The following PRORP variants were observed in gnomAD, a reference collection of about 807,000 sequenced individuals.
PRORP encodes protein only RNase P catalytic subunit, also known as mitochondrial ribonuclease P catalytic subunit.
PRORP carries 51 observed loss-of-function variants against 59.4 expected under a neutral mutation model. The observed-to-expected ratio is 0.86, with a 90% CI of 0.69 to 1.08. The LOEUF is 1.08. PRORP is among the 50% of genes least tolerant of loss of function. The pLI is 0.00. For synonymous variants in PRORP, 231 were observed against 245.6 expected (o/e 0.94, Z 0.55); for missense variants, 646 against 690.3 (o/e 0.94, Z 0.72).
intron 4 of PRORP, among the ~76,000 whole-genome samples, chr14:35,174,231 A>T (rs767487190): frequency 6.6e-6 from 1 of 152,050 alleles, no homozygotes; most frequent in African/African-American, 2.4e-5. Flanking sequence ...TTCAAATGTC[A>T]TGTCCCCTCC....
At chr14:35,179,859 A>G (rs144102567) in intron 4 of PRORP, among the ~76,000 whole-genome samples, 9,339 of 151,914 alleles carry the variant, frequency 0.061, 480 homozygotes, top group African/African-American at 0.14. Flanking sequence ...CCCCATCTTT[A>G]TGGTTTTATC....
At chr14:35,121,873 C>G (rs761346425), upstream of PRORP, 8 of 1,613,724 alleles carry the variant, frequency 5.0e-6, no homozygotes, top group Admixed American at 8.3e-5. Context: ...GCCGGGCCAT[C>G]CCAACGGGCT....
At chr14:35,176,270 C>G (rs191006371) in intron 4 of PRORP, among the ~76,000 whole-genome samples, 1 of 152,048 alleles carries the variant, frequency 6.6e-6, no homozygotes, top group Non-Finnish European at 1.5e-5. Context: ...TTTTCCAATT[C>G]TGTGAAGAAA....
chr14:35,121,842 C>G (rs907635236), upstream of PRORP: 2 of 1,582,462 alleles, frequency 1.3e-6, no homozygotes, highest in Non-Finnish European at 1.7e-6. Context: ...CCCACCTCCC[C>G]CCTACCTCTA....
At chr14:35,218,459 TAAAAAAAGAA>T (rs1444827358) in intron 5 of PRORP, among the ~76,000 whole-genome samples, 4 of 44,778 alleles carry the variant, frequency 8.9e-5, no homozygotes, top group South Asian at 2.7e-3. Context: ...AGATCCTGTC[TAAAAAAAGAA>T]AAAAAAAAAA....
chr14:35,176,812 C>T (rs565889400), intron 4 of PRORP, among the ~76,000 whole-genome samples: 52 of 152,292 alleles, frequency 3.4e-4, no homozygotes, highest in African/African-American at 1.2e-3. Flanking sequence ...GCATCCCTGT[C>T]TTGTGCCGGT....
intron 5 of PRORP, among the ~76,000 whole-genome samples, chr14:35,205,100 TA>T (rs2139144440): frequency 6.6e-6 from 1 of 152,342 alleles, no homozygotes; most frequent in South Asian, 2.1e-4. Context: ...AACCTGAGCT[TA>T]ATGATACTAT....
At chr14:35,174,875 A>G (rs1412306107) in intron 4 of PRORP, among the ~76,000 whole-genome samples, 2 of 143,398 alleles carry the variant, frequency 1.4e-5, no homozygotes, top group African/African-American at 5.1e-5. Context: ...TATATCTCCT[A>G]GTGCTATCCC....
chr14:35,179,711 A>G (rs1422434445), intron 4 of PRORP, among the ~76,000 whole-genome samples: 1 of 152,134 alleles, frequency 6.6e-6, no homozygotes, highest in African/African-American at 2.4e-5. Context: ...GAGAAGTTTG[A>G]TCGTCTGAAG....
chr14:35,142,538 A>T (rs28786547), intron 4 of PRORP, among the ~76,000 whole-genome samples: 5,315 of 114,276 alleles, frequency 0.047, 505 homozygotes, highest in African/African-American at 0.14. Flanking sequence ...AAAAAAAAAA[A>T]TTTTAGATAG....
At chr14:35,199,215 G>A (rs1595291455) in intron 5 of PRORP, among the ~76,000 whole-genome samples, 1 of 148,560 alleles carries the variant, frequency 6.7e-6, no homozygotes, top group South Asian at 2.1e-4. Flanking sequence ...CGTGCCTGTA[G>A]TCCCAGCTAC....
intron 5 of PRORP, among the ~76,000 whole-genome samples, chr14:35,251,970 AC>A (rs2050626855): frequency 6.6e-6 from 1 of 152,134 alleles, no homozygotes; most frequent in African/African-American, 2.4e-5. Context: ...CCTACCTTGG[AC>A]CAGAATACAA....
At chr14:35,155,538 A>G (rs530255476) in intron 4 of PRORP, among the ~76,000 whole-genome samples, 11 of 148,490 alleles carry the variant, frequency 7.4e-5, no homozygotes, top group Non-Finnish European at 1.3e-4. Context: ...CCTGGGCAAC[A>G]TAGCGAGACC....
chr14:35,242,405 G>C (rs1363507348), intron 5 of PRORP, among the ~76,000 whole-genome samples: 1 of 152,048 alleles, frequency 6.6e-6, no homozygotes, highest in Non-Finnish European at 1.5e-5. Context: ...TTCTGCTGTT[G>C]GTGTTTTTTA....
At chr14:35,132,090 C>T (rs558074331) in intron 4 of PRORP, among the ~76,000 whole-genome samples, 11 of 151,872 alleles carry the variant, frequency 7.2e-5, no homozygotes, top group South Asian at 2.1e-4. Flanking sequence ...CCGTCCGCCT[C>T]GGCCTCCGAA....
At chr14:35,124,271 A>ATTT (rs71435858) in intron 2 of PRORP, 40 bp downstream of exon 2, 561 of 1,139,104 alleles carry the variant, frequency 4.9e-4, no homozygotes, top group Non-Finnish European at 6.2e-4. Context: ...TTATTCTTTA[A>ATTT]TTTTTTTTTT....
intron 5 of PRORP, among the ~76,000 whole-genome samples, chr14:35,198,697 A>T (rs1595290336): frequency 6.6e-6 from 1 of 152,222 alleles, no homozygotes; most frequent in Non-Finnish European, 1.5e-5. Context: ...AGAGGTACTT[A>T]TGTAAGTTCT....
intron 5 of PRORP, among the ~76,000 whole-genome samples, chr14:35,189,504 A>G (rs2048829901): frequency 6.6e-6 from 1 of 150,840 alleles, no homozygotes; most frequent in Non-Finnish European, 1.5e-5. Context: ...CCTGCCTTTT[A>G]AGAAGAACAG....
chr14:35,175,447 A>G (rs1382951170), intron 4 of PRORP, among the ~76,000 whole-genome samples: 2 of 152,064 alleles, frequency 1.3e-5, no homozygotes, highest in African/African-American at 4.8e-5. Context: ...AACTGGTGTG[A>G]GATGGTATCT....
Sources: allele counts gnomAD v4.1 joint callset (sites outside exome capture counted in the v4.1 genomes callset), GRCh38; gene constraint gnomAD v4.1.1; transcripts MANE v1.5; gene names NCBI Gene and HGNC (gene_info 2026-07-23, HGNC 2026-07-21).